Variants in EGFLAM observed in about 807,000 individuals in gnomAD.
The protein encoded by EGFLAM is pikachurin.
In EGFLAM, 79 loss-of-function variants were observed where a neutral mutation model predicts 113.1. That is an observed-to-expected ratio of 0.70 (90% confidence interval 0.58 to 0.84). The LOEUF (loss-of-function observed/expected upper bound fraction) is 0.84. Among genes scored for constraint, EGFLAM ranks in the 40% least tolerant of loss-of-function variants. The pLI is 0.00. For missense variants in EGFLAM, 1,265 were observed against 1,291.6 expected, an observed-to-expected ratio of 0.98 and a Z score of 0.32; for synonymous variants, 504 against 487.6, an observed-to-expected ratio of 1.03 and a Z score of -0.44.
At chr5:38,327,947 C>T (rs1321105177) in intron 1 of EGFLAM, among the ~76,000 whole-genome samples, 2 of 152,204 alleles carry the variant, frequency 1.3e-5, no homozygotes, top group East Asian at 3.9e-4. Flanking sequence ...GGCCTAACTA[C>T]TGCCCTTTCT....
At chr5:38,263,065 G>A (rs1051669041) in intron 1 of EGFLAM, among the ~76,000 whole-genome samples, 1 of 151,904 alleles carries the variant, frequency 6.6e-6, no homozygotes, top group South Asian at 2.1e-4. Flanking sequence ...GTTTTAGTTT[G>A]CATTTCTCTA....
At chr5:38,297,014 G>A (rs1274924444) in intron 1 of EGFLAM, among the ~76,000 whole-genome samples, 1 of 152,126 alleles carries the variant, frequency 6.6e-6, no homozygotes, top group Non-Finnish European at 1.5e-5. Context: ...AAAAAAATGT[G>A]TGAAAGTCAT....
intron 6 of EGFLAM, among the ~76,000 whole-genome samples, chr5:38,377,482 C>T (rs144598544): frequency 1.3e-4 from 20 of 152,260 alleles, no homozygotes; most frequent in African/African-American, 2.4e-4. Context: ...GCAAGGTCTG[C>T]GCTCAATAAG....
intron 17 of EGFLAM, among the ~76,000 whole-genome samples, chr5:38,440,354 A>G (rs1162726375): frequency 1.3e-5 from 2 of 152,170 alleles, no homozygotes; most frequent in Admixed American, 1.3e-4. Context: ...TATGGCCCCT[A>G]TCCCATAATT....
chr5:38,326,004 G>A (rs2589821), intron 1 of EGFLAM, among the ~76,000 whole-genome samples: 57,128 of 151,782 alleles, frequency 0.38, 14,513 homozygotes, highest in African/African-American at 0.72. Context: ...TTTATTTGAG[G>A]AAGAGAAAAA....
intron 12 of EGFLAM, 39 bp from the exon 13 acceptor site, chr5:38,424,928 C>T (rs918691485): frequency 6.2e-7 from 1 of 1,609,026 alleles, no homozygotes; most frequent in South Asian, 1.1e-5. Flanking sequence ...GACTGGCACA[C>T]ATGGAGGATT....
In EGFLAM at chr5:38,338,800, G is replaced by A. The variant is rs759710309; in HGVS notation, c.291+19G>A. 1.2e-6 allele frequency: 2 copies of A among 1,611,886 alleles called. No individual in the cohort carries two copies. Among genetic ancestry groups the A allele is most frequent in the Non-Finnish European group, 8.5e-7 (1 of 1,178,150 alleles). On this transcript the variant is annotated intron_variant, in intron 3 of 21. Transcript: ENST00000322350. Reference sequence around the variant, plus strand: ...GACCACGGTGAGTCTTTCCATCCTGGCAGCCCACTCAAAAGCATGTGGGCA... The same window carrying A: ...GACCACGGTGAGTCTTTCCATCCTGACAGCCCACTCAAAAGCATGTGGGCA...
intron 6 of EGFLAM, among the ~76,000 whole-genome samples, chr5:38,377,605 A>G (rs1448913633): frequency 6.6e-6 from 1 of 152,260 alleles, no homozygotes; most frequent in African/African-American, 2.4e-5. Context: ...CAAAGACAAG[A>G]TGAAAGGAAA....
chr5:38,280,861 T>C (rs1757995950), intron 1 of EGFLAM, among the ~76,000 whole-genome samples: 1 of 152,190 alleles, frequency 6.6e-6, no homozygotes, highest in African/African-American at 2.4e-5. Flanking sequence ...AGCATAAGGT[T>C]TTGATTTGTG....
intron 19 of EGFLAM, among the ~76,000 whole-genome samples, chr5:38,453,769 C>T (rs1742996586): frequency 6.6e-6 from 1 of 152,144 alleles, no homozygotes; most frequent in Non-Finnish European, 1.5e-5. Context: ...AGAACCGAAA[C>T]AGAAGCTCAG....
intron 15 of EGFLAM, among the ~76,000 whole-genome samples, 154 bp from the exon 16 acceptor site, chr5:38,434,981 CTG>C (rs1205680551): frequency 5.3e-5 from 8 of 152,224 alleles, no homozygotes; most frequent in Non-Finnish European, 1.2e-4. Flanking sequence ...ATGAGAAACA[CTG>C]TGAAAGTGAA....
intron 10 of EGFLAM, among the ~76,000 whole-genome samples, 194 bp from the exon 11 acceptor site, chr5:38,412,310 A>C (rs567955786): frequency 6.6e-6 from 1 of 152,236 alleles, no homozygotes; most frequent in African/African-American, 2.4e-5. Context: ...AGATAACTAG[A>C]CGGAGATCGT....
At chr5:38,394,197 C>T (rs1296940048) in intron 6 of EGFLAM, among the ~76,000 whole-genome samples, 5 of 151,688 alleles carry the variant, frequency 3.3e-5, no homozygotes, top group Non-Finnish European at 7.4e-5. Flanking sequence ...GGGCACAGGA[C>T]AGGGGTGAGG....
chr5:38,413,095 C>T (rs1053805539), intron 11 of EGFLAM, among the ~76,000 whole-genome samples: 1 of 151,938 alleles, frequency 6.6e-6, no homozygotes, highest in African/African-American at 2.4e-5. Flanking sequence ...AATCATGGCT[C>T]ACTGCAGCCT....
rs751166474 is a variant in EGFLAM, at chr5:38,407,844, A to G, written c.1187A>G (p.Tyr396Cys). The G allele has an allele frequency of 1.4e-5, 23 of 1,613,766 alleles. No homozygotes were observed. The highest frequency in any genetic ancestry group is 1.7e-5 in the Admixed American group (1 of 60,002). ...TATCCTCAGTTCTTTGGCCACTCCTATGTAACGTTTGAACCTCTGAAGAAT... is the reference window on the plus strand; with the variant it reads ...TATCCTCAGTTCTTTGGCCACTCCTGTGTAACGTTTGAACCTCTGAAGAAT... ...IQYPQFFGHS[Y>C]VTFEPLKNSY... The change falls in exon 9 of 22, where the codon TAT becomes TGT. Residue 396 changes from tyrosine to cysteine, a missense_variant. Coordinates refer to ENST00000322350, the MANE Select transcript of EGFLAM (RefSeq NM_152403.4).
At chr5:38,448,552 C>A in intron 18 of EGFLAM, 173 bp downstream of exon 18, 2 of 636,708 alleles carry the variant, frequency 3.1e-6, no homozygotes, top group Non-Finnish European at 2.7e-6. Flanking sequence ...GAAACTAGAG[C>A]AAAATAAAAC....
intron 20 of EGFLAM, among the ~76,000 whole-genome samples, chr5:38,459,210 G>T (rs1743193182): frequency 6.6e-6 from 1 of 151,898 alleles, no homozygotes; most frequent in Non-Finnish European, 1.5e-5. Context: ...TTGCTATGTT[G>T]CCAGGGCTGG....
chr5:38,370,934 T>G (rs1338647087), intron 6 of EGFLAM, among the ~76,000 whole-genome samples: 1 of 152,198 alleles, frequency 6.6e-6, no homozygotes, highest in African/African-American at 2.4e-5. Context: ...AGCGCTGACA[T>G]GGAGCTGGGG....
rs189500208 is a variant in EGFLAM, at chr5:38,413,780, C to A, written c.1494+1132C>A. ...GCAGTGGTCCCCAACCTTTTTGGCA[C>A]GAGGGACCAGTTTTGTGGAAGTCAA... On this transcript the variant is annotated intron_variant, in intron 11 of 21. Transcript: ENST00000322350. Among the ~76,000 whole-genome samples the A allele has an allele frequency of 4.6e-3, 701 of 152,258 alleles. 18 individuals are homozygous for A. Among genetic ancestry groups the A allele is most frequent in the Admixed American group, 0.04 (612 of 15,282 alleles).
Sources: gnomAD v4.1 joint callset for allele counts (sites outside exome capture counted in the v4.1 genomes callset) on GRCh38, gnomAD v4.1.1 for gene constraint, MANE v1.5 for transcripts, NCBI Gene and HGNC (gene_info 2026-07-23, HGNC 2026-07-21) for gene names.